CAB39L: variants seen among roughly 807,000 people sequenced by gnomAD.
CAB39L encodes the protein calcium-binding protein 39-like.
CAB39L carries 23 observed loss-of-function variants against 39.1 expected under a neutral mutation model. That is an observed-to-expected ratio of 0.59 (90% CI 0.42 to 0.83). The LOEUF (loss-of-function observed/expected upper bound fraction) is 0.83, where lower values mean the gene tolerates loss of function less well. Ranked by LOEUF, CAB39L falls within the 40% of genes least tolerant of loss-of-function variation. CAB39L has a pLI of 0.00. For synonymous variants in CAB39L, 126 were observed against 137.2 expected, an observed-to-expected ratio of 0.92 and a Z score of 0.57; for missense variants, 366 against 391.9, an observed-to-expected ratio of 0.93 and a Z score of 0.56.
At chr13:49,423,105 C>T (rs569570878) in intron 3 of CAB39L, among the ~76,000 whole-genome samples, 14 of 152,300 alleles carry the variant, frequency 9.2e-5, no homozygotes, top group Middle Eastern at 3.4e-3. Flanking sequence ...AGCTGTGCTA[C>T]TCATGAAGGA....
chr13:49,432,884 T>C (rs1231724449), intron 3 of CAB39L, among the ~76,000 whole-genome samples: 1 of 152,230 alleles, frequency 6.6e-6, no homozygotes, highest in Non-Finnish European at 1.5e-5. Context: ...CTTACCTTTA[T>C]ATGGGACCCA....
In CAB39L at chr13:49,366,876, C is replaced by T. The variant is rs577173270; in HGVS notation, c.277-7044G>A. Among the ~76,000 whole-genome samples the T allele has an allele frequency of 1.1e-4, 16 of 152,080 alleles. No individual in the cohort carries two copies. The East Asian group carries it at 2.3e-3, about 22-fold the overall frequency. ...ACTAAAAATACAAAAATTAGCTGGG[C>T]GTGGTGGTGCATGCCTGTAATCCCA... On this transcript the variant is annotated intron_variant, in intron 5 of 10. Transcript: ENST00000409308.
rs80317405 is a variant in CAB39L, at chr13:49,403,228, T to C, written c.-31-20287A>G. On this transcript the variant is annotated intron_variant, in intron 3 of 10. Coordinates refer to ENST00000409308, the MANE Select transcript of CAB39L (RefSeq NM_001079670.3). ...ATCTCATAATATACAGGAAACTGGGTTGAGTATTCAGAAGGATATTGCCTC... is the reference window on the plus strand; with the variant it reads ...ATCTCATAATATACAGGAAACTGGGCTGAGTATTCAGAAGGATATTGCCTC... Among the ~76,000 whole-genome samples the C allele has an allele frequency of 0.012, 1,807 of 152,150 alleles. 67 individuals are homozygous for C. In the East Asian group the frequency reaches 0.13, roughly 11 times the overall value.
rs142594035 is a variant in CAB39L, at chr13:49,413,377, G to A, written c.-32+19941C>T. Among the ~76,000 whole-genome samples, 94 of 152,200 alleles carry A rather than the reference G, an allele frequency of 6.2e-4. No homozygotes were observed. In the East Asian group the frequency reaches 0.018, roughly 28 times the overall value. On this transcript the variant is annotated intron_variant, in intron 3 of 10. Transcript: ENST00000409308. ...AAAACAACATATTTCCTGAGGATTT[G>A]TTAGCAAATACCTAAGAAATGGGAA... is the stretch of plus-strand genomic sequence containing the variant.
intron 1 of CAB39L, among the ~76,000 whole-genome samples, chr13:49,443,672 T>C (rs994036685): frequency 6.6e-6 from 1 of 152,086 alleles, no homozygotes; most frequent in African/African-American, 2.4e-5. Context: ...GAACCAATGT[T>C]AAGGCATCAA....
intron 1 of CAB39L, among the ~76,000 whole-genome samples, chr13:49,440,032 T>A (rs1463464657): frequency 6.6e-6 from 1 of 151,358 alleles, no homozygotes; most frequent in Non-Finnish European, 1.5e-5. Context: ...CTGCAGGTTA[T>A]CTGTTTGCTC....
intron 10 of CAB39L, among the ~76,000 whole-genome samples, chr13:49,312,446 G>C (rs1038974490): frequency 5.3e-5 from 8 of 152,146 alleles, no homozygotes; most frequent in Non-Finnish European, 1.2e-4. Context: ...TCTATGTTTA[G>C]ATACCCAAAT....
At chr13:49,345,726 C>T (rs567975275) in intron 7 of CAB39L, among the ~76,000 whole-genome samples, 7 of 152,050 alleles carry the variant, frequency 4.6e-5, no homozygotes, top group African/African-American at 1.7e-4. Context: ...GCAGAGGGAG[C>T]CCCCTCTATG....
intron 7 of CAB39L, among the ~76,000 whole-genome samples, chr13:49,348,018 C>T (rs1566080641): frequency 6.6e-6 from 1 of 152,112 alleles, no homozygotes; most frequent in African/African-American, 2.4e-5. Context: ...CCCAGACCTC[C>T]CCTGTGGGCT....
At chr13:49,343,927 A>G (rs1955072459) in intron 8 of CAB39L, among the ~76,000 whole-genome samples, 1 of 152,218 alleles carries the variant, frequency 6.6e-6, no homozygotes, top group Non-Finnish European at 1.5e-5. Flanking sequence ...CATCAAAGCA[A>G]GCAGGTGCTA....
At chr13:49,432,429 A>G (rs1957342487) in intron 3 of CAB39L, among the ~76,000 whole-genome samples, 1 of 152,276 alleles carries the variant, frequency 6.6e-6, no homozygotes, top group African/African-American at 2.4e-5. Context: ...AGCTACTGCA[A>G]CTGGCCATAA....
chr13:49,425,714 T>C (rs1957235413), intron 3 of CAB39L, among the ~76,000 whole-genome samples: 1 of 152,136 alleles, frequency 6.6e-6, no homozygotes, highest in South Asian at 2.1e-4. Flanking sequence ...AGACAATCCT[T>C]TTCAAAAAAG....
At chr13:49,341,476 C>A (rs1955003299) in intron 8 of CAB39L, among the ~76,000 whole-genome samples, 1 of 152,154 alleles carries the variant, frequency 6.6e-6, no homozygotes, top group East Asian at 1.9e-4. Context: ...TGGTCTTGAA[C>A]TCCTGACCTC....
intron 7 of CAB39L, among the ~76,000 whole-genome samples, chr13:49,349,896 G>T (rs1005730576): frequency 4.3e-4 from 65 of 152,210 alleles, no homozygotes; most frequent in African/African-American, 1.6e-3. Flanking sequence ...TAGAAATCTC[G>T]AATGTAACAT....
At chr13:49,424,367 C>T (rs1957214877) in intron 3 of CAB39L, among the ~76,000 whole-genome samples, 3 of 152,180 alleles carry the variant, frequency 2.0e-5, no homozygotes, top group Admixed American at 2.0e-4. Context: ...AATTGAGGAA[C>T]ACTTTTACAA....
chr13:49,395,769 A>G (rs1468762006), intron 3 of CAB39L, among the ~76,000 whole-genome samples: 1 of 152,100 alleles, frequency 6.6e-6, no homozygotes, highest in African/African-American at 2.4e-5. Flanking sequence ...AGATGGCCCA[A>G]AATCAACCAC....
chr13:49,415,592 T>C (rs928480848), intron 3 of CAB39L, among the ~76,000 whole-genome samples: 7 of 152,152 alleles, frequency 4.6e-5, no homozygotes, highest in African/African-American at 1.7e-4. Context: ...CTATACACTC[T>C]ACACTATGGT....
intron 1 of CAB39L, among the ~76,000 whole-genome samples, chr13:49,439,292 T>C (rs1234927496): frequency 6.6e-6 from 1 of 152,234 alleles, no homozygotes; most frequent in East Asian, 1.9e-4. Context: ...TATTTACTTT[T>C]TTATAATTTC....
At chr13:49,363,982 C>A (rs980070394) in intron 5 of CAB39L, among the ~76,000 whole-genome samples, 1 of 151,924 alleles carries the variant, frequency 6.6e-6, no homozygotes, top group Non-Finnish European at 1.5e-5. Flanking sequence ...ATATTCCATG[C>A]TAATGAAAAC....
Sources: gnomAD v4.1 joint callset for allele counts (sites outside exome capture counted in the v4.1 genomes callset) on GRCh38, gnomAD v4.1.1 for gene constraint, MANE v1.5 for transcripts, NCBI Gene and HGNC (gene_info 2026-07-23, HGNC 2026-07-21) for gene names.